The following QRICH1 variants were observed in gnomAD, a reference collection of about 807,000 sequenced individuals.
QRICH1 encodes glutamine rich 1, also known as transcriptional regulator QRICH1.
Under a neutral mutation model 87.1 loss-of-function variants are expected in QRICH1, and 16 were observed. That is an observed-to-expected ratio of 0.18 (90% CI 0.12 to 0.28). The LOEUF is 0.28. Ranked by LOEUF, QRICH1 falls within the 10% of genes least tolerant of loss-of-function variation. The probability of loss-of-function intolerance (pLI) is 1.00; values close to 1 mark genes in which losing one functional copy is unlikely to be tolerated. For synonymous variants in QRICH1, 367 were observed against 368.4 expected (o/e 1.00, Z 0.05); for missense variants, 647 against 951.7 (o/e 0.68, Z 4.21).
intron 2 of QRICH1, among the ~76,000 whole-genome samples, chr3:49,068,937 G>T (rs1045353022): frequency 1.3e-5 from 2 of 150,972 alleles, no homozygotes; most frequent in East Asian, 2.0e-4. Flanking sequence ...GGCCAAACTT[G>T]GCTAAAATTT....
intron 6 of QRICH1, among the ~76,000 whole-genome samples, chr3:49,040,071 A>G (rs762609232): frequency 6.6e-6 from 1 of 152,228 alleles, no homozygotes. Context: ...AAAAGCCAAA[A>G]AACAGCAACA....
chr3:49,058,792 C>T (rs1465907421), intron 2 of QRICH1, among the ~76,000 whole-genome samples: 2 of 151,892 alleles, frequency 1.3e-5, no homozygotes, highest in African/African-American at 4.8e-5. Context: ...CCATGCCCAG[C>T]TGATTTTGCA....
At chr3:49,068,686 T>C (rs1455379174) in intron 2 of QRICH1, among the ~76,000 whole-genome samples, 1 of 151,336 alleles carries the variant, frequency 6.6e-6, no homozygotes, top group Non-Finnish European at 1.5e-5. Flanking sequence ...TAGAGTGCAG[T>C]GGCACGATCT....
chr3:49,059,047 C>T (rs1315828080), intron 2 of QRICH1, among the ~76,000 whole-genome samples: 3 of 151,234 alleles, frequency 2.0e-5, no homozygotes, highest in Admixed American at 6.6e-5. Context: ...CTGCAAGCTC[C>T]GCCTCCCGGG....
intron 3 of QRICH1, among the ~76,000 whole-genome samples, chr3:49,052,148 T>A (rs963282389): frequency 6.6e-6 from 1 of 152,038 alleles, no homozygotes; most frequent in African/African-American, 2.4e-5. Context: ...GTGGAGATGA[T>A]ATAAGAGATT....
chr3:49,048,297 T>G (rs2093350191), intron 3 of QRICH1, among the ~76,000 whole-genome samples: 1 of 151,590 alleles, frequency 6.6e-6, no homozygotes, highest in Admixed American at 6.6e-5. Flanking sequence ...CACGCCCGGC[T>G]AATTTTGTAT....
At chr3:49,048,761 C>A in intron 3 of QRICH1, among the ~76,000 whole-genome samples, 1 of 118,076 alleles carries the variant, frequency 8.5e-6, no homozygotes, top group African/African-American at 3.4e-5. Flanking sequence ...GTACTCCAGC[C>A]TGGGTAACAG....
intron 1 of QRICH1, among the ~76,000 whole-genome samples, chr3:49,085,555 G>A (rs576627348): frequency 6.6e-6 from 1 of 152,134 alleles, no homozygotes; most frequent in South Asian, 2.1e-4. Context: ...AGTAGTTTGA[G>A]ACCAGCCTGA....
rs746760135 is a variant in QRICH1 at position 49,046,586 on chromosome 3, C to T, written c.1517-7G>A. ...AATCGCAGCAGTTGGCGCCCTGCAACGGAAGCCTCAAAAATGAATGAAGGT... is the reference window on the plus strand; with the variant it reads ...AATCGCAGCAGTTGGCGCCCTGCAATGGAAGCCTCAAAAATGAATGAAGGT... On this transcript the variant is annotated splice_polypyrimidine_tract_variant and splice_region_variant and intron_variant, in intron 4 of 9. Transcript: ENST00000395443. 53 of 1,611,972 alleles carry T rather than the reference C, an allele frequency of 3.3e-5. No individual in the cohort carries two copies. Among genetic ancestry groups the T allele is most frequent in the East Asian group, 2.2e-5 (1 of 44,884 alleles).
chr3:49,069,527 A>C (rs1421242165), intron 2 of QRICH1, among the ~76,000 whole-genome samples: 1 of 149,544 alleles, frequency 6.7e-6, no homozygotes. Context: ...GCGAAAATAC[A>C]GATCCATGGG....
chr3:49,073,443 G>A (rs1444024955), intron 2 of QRICH1, among the ~76,000 whole-genome samples: 1 of 151,458 alleles, frequency 6.6e-6, no homozygotes, highest in African/African-American at 2.4e-5. Flanking sequence ...AGGAGGTTGA[G>A]GCAGGAGAAT....
At chr3:49,092,866 T>G (rs1264733162) in intron 1 of QRICH1, among the ~76,000 whole-genome samples, 7 of 152,226 alleles carry the variant, frequency 4.6e-5, no homozygotes, top group African/African-American at 1.7e-4. Flanking sequence ...ATTCTCAGGT[T>G]GTTCCATTTT....
Position 49,090,088 on chromosome 3 carries a change from G to A in QRICH1, c.-22+3824C>T, listed in dbSNP as rs144752108. Among the ~76,000 whole-genome samples, 18 of 152,324 alleles carry A rather than the reference G, an allele frequency of 1.2e-4. No homozygotes were observed. In the East Asian group the frequency reaches 2.5e-3, roughly 21 times the overall value. On this transcript the variant is annotated intron_variant, in intron 1 of 9. Coordinates refer to ENST00000395443, the MANE Select transcript of QRICH1 (RefSeq NM_198880.3). The stretch of plus-strand genomic sequence containing the variant: ...TCAGCACTTTGGGAGGCCAAGGTAG[G>A]CAGACCACGAGGTCAGGAGTTCAAG...
intron 2 of QRICH1, among the ~76,000 whole-genome samples, chr3:49,064,359 T>C (rs2093454195): frequency 6.6e-6 from 1 of 151,180 alleles, no homozygotes; most frequent in South Asian, 2.1e-4. Flanking sequence ...TCTTAACCTC[T>C]GCCTCCCGAG....
intron 1 of QRICH1, among the ~76,000 whole-genome samples, chr3:49,080,966 CAAAAAAAAA>C (rs34230924): frequency 1.6e-4 from 4 of 24,796 alleles, no homozygotes; most frequent in South Asian, 3.0e-3. Context: ...AACTCCATCT[CAAAAAAAAA>C]AAAAAAAAAA....
intron 2 of QRICH1, among the ~76,000 whole-genome samples, chr3:49,065,301 T>C (rs1228618054): frequency 2.0e-5 from 3 of 151,730 alleles, no homozygotes; most frequent in South Asian, 4.2e-4. Context: ...CATGCCACCA[T>C]GTCCGGCTAA....
chr3:49,079,019 A>G (rs2042006971), intron 1 of QRICH1, among the ~76,000 whole-genome samples: 1 of 151,966 alleles, frequency 6.6e-6, no homozygotes, highest in Non-Finnish European at 1.5e-5. Flanking sequence ...CCACGGACTC[A>G]AGCAATCCTT....
intron 2 of QRICH1, chr3:49,058,111 G>T: frequency 1.3e-6 from 1 of 744,726 alleles, no homozygotes; most frequent in Non-Finnish European, 2.1e-6. Context: ...CAGAGAGCAA[G>T]CAAGACAATT....
chr3:49,085,455 T>C (rs572661273), intron 1 of QRICH1, among the ~76,000 whole-genome samples: 8 of 152,056 alleles, frequency 5.3e-5, no homozygotes. Flanking sequence ...TCTTTCAAAA[T>C]CTGAAAGAAA....
Sources: allele counts gnomAD v4.1 joint callset (sites outside exome capture counted in the v4.1 genomes callset), GRCh38; gene constraint gnomAD v4.1.1; transcripts MANE v1.5; gene names NCBI Gene and HGNC (gene_info 2026-07-23, HGNC 2026-07-21).